Variants in CCDC85C observed in about 807,000 individuals in gnomAD.
CCDC85C encodes coiled-coil domain containing 85C, also known as coiled-coil domain-containing protein 85C.
Under a neutral mutation model 38.3 loss-of-function variants are expected in CCDC85C, and 18 were observed. The observed-to-expected ratio is 0.47, with a 90% confidence interval of 0.33 to 0.70. The LOEUF (loss-of-function observed/expected upper bound fraction) is 0.70. CCDC85C is among the 30% of genes least tolerant of loss of function. The pLI is 0.03. For synonymous variants in CCDC85C, 264 were observed against 293.8 expected (o/e 0.90, Z 1.04); for missense variants, 566 against 621.2 (o/e 0.91, Z 0.94).
chr14:99,597,607 T>C (rs1410301715), intron 1 of CCDC85C, among the ~76,000 whole-genome samples: 1 of 152,178 alleles, frequency 6.6e-6, no homozygotes, highest in Admixed American at 6.5e-5. Context: ...GCTGGGACTT[T>C]GGGGTCTGCC....
At chr14:99,575,095 C>T (rs781038273) in intron 1 of CCDC85C, among the ~76,000 whole-genome samples, 3 of 152,192 alleles carry the variant, frequency 2.0e-5, no homozygotes, top group Non-Finnish European at 4.4e-5. Context: ...CCAGCCTCCA[C>T]GGGGATGGTC....
chr14:99,525,051 G>A (rs748221357), intron 2 of CCDC85C, among the ~76,000 whole-genome samples: 4 of 152,234 alleles, frequency 2.6e-5, no homozygotes, highest in Non-Finnish European at 5.9e-5. Context: ...CACTTCTAGA[G>A]CCTCCAGAGG....
At chr14:99,555,033 G>A (rs941514227) in intron 1 of CCDC85C, among the ~76,000 whole-genome samples, 2 of 152,264 alleles carry the variant, frequency 1.3e-5, no homozygotes, top group African/African-American at 4.8e-5. Flanking sequence ...AGACTTGAAG[G>A]TCAGGGGAGA....
chr14:99,578,363 T>A (rs372612115), intron 1 of CCDC85C, among the ~76,000 whole-genome samples: 441 of 147,208 alleles, frequency 3.0e-3, no homozygotes, highest in Non-Finnish European at 5.0e-3. Flanking sequence ...ATACAGCCCG[T>A]CCTGTATCCC....
intron 2 of CCDC85C, among the ~76,000 whole-genome samples, chr14:99,527,944 C>A (rs544869941): frequency 6.6e-6 from 1 of 152,224 alleles, no homozygotes; most frequent in Admixed American, 6.5e-5. Flanking sequence ...GCTCACACCA[C>A]GGAGAGCCCT....
chr14:99,597,643 C>G (rs890267756), intron 1 of CCDC85C, among the ~76,000 whole-genome samples: 2 of 152,188 alleles, frequency 1.3e-5, no homozygotes, highest in Non-Finnish European at 2.9e-5. Flanking sequence ...CAGCACTAAC[C>G]CCCCTAAGAG....
chr14:99,603,283 G>C lies in CCDC85C; in HGVS notation c.677C>G (p.Pro226Arg), dbSNP rs2055226822. Residue 226 changes from proline (P) to arginine (R), a missense_variant, in exon 1 of 6, where the codon CCG becomes CGG. By Grantham distance (103) the Pro-to-Arg change is moderately radical (BLOSUM62 -2). This residue lies in a region of CCDC85C where 286 missense variants were observed against 276.4 expected (regional missense o/e 1.03). Transcript: ENST00000380243. This position sits in a 1 kb window ranked among gnomAD's most constrained non-coding sequence, Gnocchi z 7.5. The stretch of plus-strand genomic sequence containing the variant: ...CTTGTGCGGCCCGGGGGGCAGCAGC[G>C]GGGGTGGGACGTGGTGGTGGTGGTC... ...SPDHHHHVPP[P>R]LLPPGPHKAP... 7.2e-7 allele frequency: 1 copy of C among 1,379,816 alleles called. No individual in the cohort carries two copies. Among genetic ancestry groups the C allele is most frequent in the Non-Finnish European group, 9.3e-7 (1 of 1,072,002 alleles). The allele number at this position is 1,379,816 out of a possible 1,614,324, so 85.5% of individuals were successfully genotyped here. A position where few individuals can be genotyped will look rare whatever the true frequency, so the allele number is the denominator to read the frequency against.
chr14:99,564,810 G>A (rs1381395935), intron 1 of CCDC85C, among the ~76,000 whole-genome samples: 1 of 152,236 alleles, frequency 6.6e-6, no homozygotes, highest in Non-Finnish European at 1.5e-5. Context: ...CAGAAGGCTA[G>A]GAACCCAGCC....
rs1896922366 is a variant in CCDC85C, at chr14:99,504,453, T to G, written c.*10793A>C. 1 of 146,868 alleles carries G rather than the reference T, an allele frequency of 6.8e-6. No homozygotes were observed. Among genetic ancestry groups the G allele is most frequent in the South Asian group, 2.1e-4 (1 of 4,748 alleles). The allele number at this position is 146,868 out of a possible 1,614,324, so 9.1% of individuals were successfully genotyped here. ...AATGATGAGTTCAGTACAGGTGAAT[T>G]TTTTTTTTTTTTTTGAGACAGAGTT... On this transcript the variant is annotated 3_prime_UTR_variant, in exon 6 of 6. Coordinates refer to ENST00000380243, the MANE Select transcript of CCDC85C (RefSeq NM_001144995.2).
chr14:99,525,795 C>A (rs1897373650), intron 2 of CCDC85C, among the ~76,000 whole-genome samples: 1 of 152,192 alleles, frequency 6.6e-6, no homozygotes, highest in African/African-American at 2.4e-5. Context: ...TACAGAATGC[C>A]CTGGGAAGGA....
rs2021919 is a variant in CCDC85C, at chr14:99,576,542, T to C, written c.793+26625A>G. 0.079 allele frequency: 12,095 copies of C among 152,214 alleles called. 775 individuals are homozygous for C. The highest frequency in any genetic ancestry group is 0.18 in the African/African-American group (7,317 of 41,454). 9.4% of individuals were successfully genotyped at this position (152,214 alleles called of 1,614,324 possible). ...ACACCAGTGGGACCTGCCTCGCTGG[T>C]CCAGCAGCTTAGCTGAGAACCTGTG... On this transcript the variant is annotated intron_variant, in intron 1 of 5. Transcript: ENST00000380243. This position sits in a 1 kb window ranked among gnomAD's most constrained non-coding sequence, Gnocchi z 4.8.
At position 99,503,816 on chromosome 14, in the gene CCDC85C, T is replaced by G. The variant is rs147915608; in HGVS notation, c.*11430A>C. 3.3e-6 allele frequency: 2 copies of G among 605,948 alleles called. No individual in the cohort carries two copies. Among genetic ancestry groups the G allele is most frequent in the African/African-American group, 3.7e-5 (2 of 53,878 alleles). The allele number at this position is 605,948 out of a possible 1,614,324, so 37.5% of individuals were successfully genotyped here. ...TTTCTGTTCATCACCTGATCATAGA[T>G]TCTAAAATTGTGCTCTTACGAAGCT... On this transcript the variant is annotated 3_prime_UTR_variant, in exon 6 of 6. Coordinates refer to ENST00000380243, the MANE Select transcript of CCDC85C (RefSeq NM_001144995.2).
chr14:99,581,343 T>G (rs2054966593), intron 1 of CCDC85C, among the ~76,000 whole-genome samples: 1 of 152,220 alleles, frequency 6.6e-6, no homozygotes, highest in South Asian at 2.1e-4. Flanking sequence ...ACCCACCAGA[T>G]GCTGGACCCC....
In CCDC85C at chr14:99,544,422, C is replaced by T. The variant is rs1217218468; in HGVS notation, c.794-8334G>A. ...TCACCTACTCCCCCAACAAAGAGAC[C>T]GAGGTTCCGAGGGGCTCCATAACCA... On this transcript the variant is annotated intron_variant, in intron 1 of 5. Transcript: ENST00000380243. The surrounding 1 kb of genome is among the most constrained non-coding windows in gnomAD (Gnocchi z 5.3). Among the ~76,000 whole-genome samples, 2 of 152,074 alleles carry T rather than the reference C, an allele frequency of 1.3e-5. No homozygotes were observed. The highest frequency in any genetic ancestry group is 4.8e-5 in the African/African-American group (2 of 41,398).
chr14:99,574,110 G>C (rs1328913056), intron 1 of CCDC85C, among the ~76,000 whole-genome samples: 1 of 152,128 alleles, frequency 6.6e-6, no homozygotes, highest in Non-Finnish European at 1.5e-5. Context: ...TTCTGAGACA[G>C]GAGTGCTGCT....
chr14:99,590,039 C>T (rs1464429987), intron 1 of CCDC85C, among the ~76,000 whole-genome samples: 2 of 152,234 alleles, frequency 1.3e-5, no homozygotes, highest in Non-Finnish European at 2.9e-5. Context: ...AACATTTCAG[C>T]ACCACACACT....
intron 1 of CCDC85C, among the ~76,000 whole-genome samples, chr14:99,541,338 C>T (rs74414098): frequency 0.037 from 5,631 of 152,300 alleles, 150 homozygotes; most frequent in Non-Finnish European, 0.056. Flanking sequence ...AAGGAGCTGC[C>T]GAGGCTACAG....
chr14:99,563,714 C>A (rs532042420), intron 1 of CCDC85C, among the ~76,000 whole-genome samples: 2 of 152,306 alleles, frequency 1.3e-5, no homozygotes, highest in Admixed American at 1.3e-4. Flanking sequence ...TCACCCACTC[C>A]CGTGGGCCGT....
intron 1 of CCDC85C, among the ~76,000 whole-genome samples, chr14:99,539,620 T>C (rs906915255): frequency 3.9e-5 from 6 of 152,184 alleles, no homozygotes; most frequent in Admixed American, 6.5e-5. Context: ...CTAAACAATA[T>C]GGAAAAACAC....
Sources: allele counts gnomAD v4.1 joint callset (sites outside exome capture counted in the v4.1 genomes callset), GRCh38; gene constraint gnomAD v4.1.1; regional missense constraint gnomAD v4.1.1; non-coding constraint Gnocchi (gnomAD v3.1); transcripts MANE v1.5; gene names NCBI Gene and HGNC (gene_info 2026-07-23, HGNC 2026-07-21).